The following SBF2 variants were observed in gnomAD, a reference collection of about 807,000 sequenced individuals.
The protein encoded by SBF2 is SET binding factor 2.
In SBF2, 112 loss-of-function variants were observed where a neutral mutation model predicts 225.2. The observed-to-expected ratio is 0.50, with a 90% CI of 0.43 to 0.58. The LOEUF is 0.58. Ranked by LOEUF, SBF2 falls within the 20% of genes least tolerant of loss-of-function variation. The pLI is 0.00. For missense variants in SBF2, 1,996 were observed against 2,206.2 expected (o/e 0.90, Z 1.91); for synonymous variants, 763 against 773.3 (o/e 0.99, Z 0.22).
chr11:10,260,799 T>G (rs1171583962), intron 1 of SBF2, among the ~76,000 whole-genome samples: 1 of 151,162 alleles, frequency 6.6e-6, no homozygotes, highest in South Asian at 2.1e-4. Context: ...GAGGATTGCT[T>G]GAGCCCAGGA....
intron 1 of SBF2, among the ~76,000 whole-genome samples, chr11:10,223,826 C>T (rs1958439756): frequency 6.6e-6 from 1 of 151,994 alleles, no homozygotes; most frequent in Non-Finnish European, 1.5e-5. Context: ...AGATGACTGG[C>T]ATCATATGGT....
chr11:9,924,352 T>C (rs1289243429), intron 16 of SBF2, among the ~76,000 whole-genome samples: 1 of 152,198 alleles, frequency 6.6e-6, no homozygotes, highest in African/African-American at 2.4e-5. Context: ...CTAACGTAAG[T>C]GTTCTGAGCA....
In SBF2 at chr11:9,961,602, T is replaced by C. The variant is rs534734601; in HGVS notation, c.1860+355A>G. 6.7e-5 allele frequency: 11 copies of C among 164,848 alleles called. 1 individual carries two copies. The South Asian group carries it at 1.7e-3, about 26-fold the overall frequency. 10.2% of individuals were successfully genotyped at this position (164,848 alleles called of 1,614,324 possible). ...CGTTTGGATTATCCACCATTCATTG[T>C]CCTCTGCTTGGACAACTGAAAACTG... On this transcript the variant is annotated intron_variant, in intron 16 of 39. Coordinates refer to ENST00000256190, the MANE Select transcript of SBF2 (RefSeq NM_030962.4).
chr11:10,150,722 C>T (rs1029507103), intron 2 of SBF2, among the ~76,000 whole-genome samples: 13 of 152,144 alleles, frequency 8.5e-5, no homozygotes, highest in Admixed American at 7.8e-4. Context: ...AAATGTCCCA[C>T]ATATTGTACC....
At chr11:10,229,403 G>A (rs929197392) in intron 1 of SBF2, among the ~76,000 whole-genome samples, 3 of 152,160 alleles carry the variant, frequency 2.0e-5, no homozygotes, top group Admixed American at 2.0e-4. Flanking sequence ...TAATTGTGAT[G>A]TTAGGGTGTC....
At chr11:10,288,048 T>A (rs1004320492) in intron 1 of SBF2, among the ~76,000 whole-genome samples, 1 of 152,084 alleles carries the variant, frequency 6.6e-6, no homozygotes, top group Non-Finnish European at 1.5e-5. Flanking sequence ...CACCGGGGAA[T>A]GTAGTGGCAC....
chr11:9,869,720 A>G (rs1433264606), intron 17 of SBF2, among the ~76,000 whole-genome samples: 1 of 152,212 alleles, frequency 6.6e-6, no homozygotes, highest in African/African-American at 2.4e-5. Context: ...TGAGAGCCAT[A>G]TATAACAAAC....
intron 2 of SBF2, among the ~76,000 whole-genome samples, chr11:10,143,680 T>C (rs1565280235): frequency 6.6e-6 from 1 of 152,100 alleles, no homozygotes; most frequent in Non-Finnish European, 1.5e-5. Flanking sequence ...ATCAAATTTG[T>C]GGCATAAGTT....
At chr11:10,296,051 C>T (rs1479639081), upstream of SBF2, among the ~76,000 whole-genome samples, 3 of 152,192 alleles carry the variant, frequency 2.0e-5, no homozygotes, top group East Asian at 1.9e-4. Context: ...TCATTCTCCC[C>T]TCCCACAGCC....
At chr11:9,885,726 C>T (rs1192756657) in intron 17 of SBF2, among the ~76,000 whole-genome samples, 1 of 151,672 alleles carries the variant, frequency 6.6e-6, no homozygotes, top group African/African-American at 2.4e-5. Context: ...AAAATTTTTA[C>T]GTTTTTATTA....
intron 1 of SBF2, among the ~76,000 whole-genome samples, chr11:10,197,170 G>A (rs1957406062): frequency 6.6e-6 from 1 of 152,066 alleles, no homozygotes; most frequent in African/African-American, 2.4e-5. Context: ...TAGAATTGGT[G>A]TGTATCCCTT....
At chr11:9,906,799 GATAC>G (rs1313325511) in intron 16 of SBF2, among the ~76,000 whole-genome samples, 1 of 152,112 alleles carries the variant, frequency 6.6e-6, no homozygotes, top group African/African-American at 2.4e-5. Context: ...CTTGAATACT[GATAC>G]ATGTTTTATT....
Position 9,975,082 on chromosome 11 carries a change from T to C in SBF2, c.1396-6537A>G, listed in dbSNP as rs528514674. On this transcript the variant is annotated intron_variant, in intron 13 of 39. Transcript: ENST00000256190. ...CTGCTGGTGAAAATGCAAAATAACGTAGACACTTGAGAAAACAGTTTGGCA... is the reference window on the plus strand; with the variant it reads ...CTGCTGGTGAAAATGCAAAATAACGCAGACACTTGAGAAAACAGTTTGGCA... Among the ~76,000 whole-genome samples the C allele has an allele frequency of 7.3e-5, 11 of 150,936 alleles. No individual in the cohort carries two copies. The East Asian group carries it at 1.4e-3, about 19-fold the overall frequency.
chr11:10,216,884 T>TA (rs902315793), intron 1 of SBF2, among the ~76,000 whole-genome samples: 16 of 151,374 alleles, frequency 1.1e-4, no homozygotes, highest in African/African-American at 3.9e-4. Flanking sequence ...TAGTAATTTT[T>TA]AAAAAAAAGT....
chr11:9,953,663 T>C (rs1865989401), intron 16 of SBF2, among the ~76,000 whole-genome samples: 1 of 152,180 alleles, frequency 6.6e-6, no homozygotes, highest in Non-Finnish European at 1.5e-5. Flanking sequence ...GCCAAGGGTG[T>C]ACTCACAAAT....
chr11:10,276,396 T>C (rs1962962567), intron 1 of SBF2, among the ~76,000 whole-genome samples: 1 of 152,234 alleles, frequency 6.6e-6, no homozygotes, highest in East Asian at 1.9e-4. Flanking sequence ...CCTAGTAAAA[T>C]AGTTGGAAAA....
chr11:9,819,741 C>T (rs555047326), intron 28 of SBF2, among the ~76,000 whole-genome samples: 158 of 152,276 alleles, frequency 1.0e-3, no homozygotes, highest in Non-Finnish European at 1.8e-3. Context: ...TTGTACAACA[C>T]GTTTGTTCTT....
intron 16 of SBF2, among the ~76,000 whole-genome samples, chr11:9,933,528 T>G (rs888231952): frequency 1.3e-5 from 2 of 152,136 alleles, no homozygotes; most frequent in Admixed American, 6.5e-5. Flanking sequence ...CTCAACTACA[T>G]GGAAACTGAA....
chr11:10,251,462 G>A (rs545761519), intron 1 of SBF2, among the ~76,000 whole-genome samples: 2 of 152,316 alleles, frequency 1.3e-5, no homozygotes, highest in South Asian at 4.1e-4. Context: ...AAGTACCTGT[G>A]CAGCTACTGA....
Sources: gnomAD v4.1 joint callset for allele counts (sites outside exome capture counted in the v4.1 genomes callset) on GRCh38, gnomAD v4.1.1 for gene constraint, MANE v1.5 for transcripts, NCBI Gene and HGNC (gene_info 2026-07-23, HGNC 2026-07-21) for gene names.